CRACR2A: variants seen among roughly 807,000 people sequenced by gnomAD.
CRACR2A encodes EF-hand calcium-binding domain-containing protein 4B.
A neutral mutation model predicts 90.5 loss-of-function variants in CRACR2A; 79 were observed. The observed-to-expected ratio is 0.87, with a 90% CI of 0.73 to 1.05. The LOEUF (loss-of-function observed/expected upper bound fraction) is 1.05, where lower values mean the gene tolerates loss of function less well. CRACR2A is among the 50% of genes least tolerant of loss of function. CRACR2A has a pLI of 0.00. For synonymous variants in CRACR2A, 338 were observed against 356.7 expected (o/e 0.95, Z 0.59); for missense variants, 823 against 897.2 (o/e 0.92, Z 1.06).
chr12:3,628,404 A>C (rs943096690), intron 15 of CRACR2A, among the ~76,000 whole-genome samples: 10 of 152,170 alleles, frequency 6.6e-5, no homozygotes, highest in African/African-American at 2.4e-4. Flanking sequence ...GGTAGAGGAA[A>C]GGACAGAACA....
chr12:3,730,988 T>C (rs1347697606), intron 2 of CRACR2A: 1 of 152,168 alleles, frequency 6.6e-6, no homozygotes, highest in Non-Finnish European at 1.5e-5. Flanking sequence ...AGAAAACACA[T>C]CTACAGGCTA....
intron 7 of CRACR2A, among the ~76,000 whole-genome samples, chr12:3,660,622 G>C (rs1250925699): frequency 6.6e-6 from 1 of 151,978 alleles, no homozygotes; most frequent in Non-Finnish European, 1.5e-5. Context: ...GGAAAGATCT[G>C]GTAGTAGCAT....
chr12:3,715,691 T>C (rs986197102), intron 2 of CRACR2A, among the ~76,000 whole-genome samples: 3 of 152,180 alleles, frequency 2.0e-5, no homozygotes, highest in East Asian at 3.8e-4. Flanking sequence ...AAAAAGTTCA[T>C]AAAAATGGAA....
chr12:3,732,762 T>C (rs1380556237), intron 2 of CRACR2A, 180 bp downstream of exon 2: 2 of 152,304 alleles, frequency 1.3e-5, no homozygotes, highest in Middle Eastern at 6.8e-3. Context: ...TCCAGGTGGT[T>C]TGAGAGTCCA....
intron 17 of CRACR2A, 61 bp downstream of exon 17, chr12:3,627,375 C>T (rs1944284438): frequency 7.8e-7 from 1 of 1,287,988 alleles, no homozygotes; most frequent in Non-Finnish European, 1.1e-6. Context: ...GGGAGATGGA[C>T]AGAGAAGAAA....
At chr12:3,748,937 G>C (rs548508039) in intron 1 of CRACR2A, among the ~76,000 whole-genome samples, 1 of 152,228 alleles carries the variant, frequency 6.6e-6, no homozygotes, top group Non-Finnish European at 1.5e-5. Flanking sequence ...GTGAGGGGAA[G>C]GGGGTGTCTT....
intron 17 of CRACR2A, among the ~76,000 whole-genome samples, chr12:3,626,927 C>A (rs1944273384): frequency 6.6e-6 from 1 of 152,166 alleles, no homozygotes; most frequent in Non-Finnish European, 1.5e-5. Context: ...GGATCAACCT[C>A]CCCTTGTGTG....
At chr12:3,672,876 T>C (rs896223828) in intron 7 of CRACR2A, 2 of 868,304 alleles carry the variant, frequency 2.3e-6, no homozygotes, top group African/African-American at 1.8e-5. Context: ...CATGAGGCCG[T>C]GACGGGAGAG....
rs1057068390 is a variant in CRACR2A at position 3,711,578 on chromosome 12, C to A, written c.-37+1659G>T. Among the ~76,000 whole-genome samples the A allele has an allele frequency of 2.6e-5, 4 of 152,194 alleles. No homozygotes were observed. Among genetic ancestry groups the A allele is most frequent in the African/African-American group, 9.7e-5 (4 of 41,440 alleles). On this transcript the variant is annotated intron_variant, in intron 3 of 19. Coordinates refer to ENST00000440314, the MANE Select transcript of CRACR2A (RefSeq NM_001144958.2). The surrounding 1 kb of genome is among the most constrained non-coding windows in gnomAD (Gnocchi z 4.3). ...ATGGCTTTTATCATCCATATTCCCA[C>A]CAGTGTACTGTTCAGGATGACTTAC...
At chr12:3,716,922 G>A (rs1211686099) in intron 2 of CRACR2A, among the ~76,000 whole-genome samples, 1 of 147,808 alleles carries the variant, frequency 6.8e-6, no homozygotes, top group African/African-American at 2.5e-5. Flanking sequence ...TGAAATTCTT[G>A]TATTTTTTTT....
intron 4 of CRACR2A, among the ~76,000 whole-genome samples, chr12:3,687,930 C>T (rs1945591483): frequency 6.6e-6 from 1 of 152,186 alleles, no homozygotes; most frequent in Admixed American, 6.5e-5. Flanking sequence ...ATTTGCGTTT[C>T]TCTAGTGATC....
intron 4 of CRACR2A, among the ~76,000 whole-genome samples, chr12:3,686,152 A>C (rs776424703): frequency 3.9e-5 from 6 of 152,252 alleles, no homozygotes; most frequent in Non-Finnish European, 7.3e-5. Context: ...TGAGGATTAA[A>C]ACCCAAGTTA....
At chr12:3,637,829 A>C (rs7972563) in intron 14 of CRACR2A, among the ~76,000 whole-genome samples, 83,034 of 152,068 alleles carry the variant, frequency 0.55, 23,163 homozygotes, top group Admixed American at 0.66. Flanking sequence ...CCCCTCTGCG[A>C]AGAAGTAGAA....
chr12:3,681,247 T>C (rs554777020), intron 4 of CRACR2A, among the ~76,000 whole-genome samples: 1 of 152,348 alleles, frequency 6.6e-6, no homozygotes, highest in Non-Finnish European at 1.5e-5. Flanking sequence ...TCCAGCTCCC[T>C]GCTGACTGGT....
At position 3,647,899 on chromosome 12, in the gene CRACR2A, A is replaced by T. The variant is rs368526010; in HGVS notation, c.1118+643T>A. Reference sequence around the variant, plus strand: ...CATCAAAAATTCCATCTTTCCCCACACGGGTTTGTCTTTCTGAGGAGGGGA... The same window carrying T: ...CATCAAAAATTCCATCTTTCCCCACTCGGGTTTGTCTTTCTGAGGAGGGGA... On this transcript the variant is annotated intron_variant, in intron 11 of 19. Coordinates refer to ENST00000440314, the MANE Select transcript of CRACR2A (RefSeq NM_001144958.2). The T allele has an allele frequency of 1.0e-5, 10 of 985,300 alleles. No individual in the cohort carries two copies. In the African/African-American group the frequency reaches 1.6e-4, roughly 15 times the overall value. The allele number at this position is 985,300 out of a possible 1,614,324, so 61.0% of individuals were successfully genotyped here.
intron 8 of CRACR2A, among the ~76,000 whole-genome samples, chr12:3,658,561 T>C (rs1944960448): frequency 6.6e-6 from 1 of 152,256 alleles, no homozygotes; most frequent in Middle Eastern, 3.4e-3. Context: ...AGGGCGCTAA[T>C]TGGAGGACAC....
intron 3 of CRACR2A, among the ~76,000 whole-genome samples, chr12:3,707,577 A>G (rs904195707): frequency 2.6e-5 from 4 of 152,240 alleles, no homozygotes; most frequent in African/African-American, 4.8e-5. Context: ...AAACATAGCC[A>G]CAGCATGGTA....
intron 11 of CRACR2A, among the ~76,000 whole-genome samples, chr12:3,646,206 A>G (rs1056723221): frequency 2.0e-5 from 3 of 152,236 alleles, no homozygotes; most frequent in African/African-American, 7.2e-5. Flanking sequence ...CGACTGCAGA[A>G]TGCACTTGGG....
intron 11 of CRACR2A, 95 bp from the exon 12 acceptor site, chr12:3,644,735 G>A (rs1944654865): frequency 3.7e-6 from 4 of 1,093,206 alleles, no homozygotes; most frequent in Non-Finnish European, 1.4e-6. Context: ...TGCAGGGGAA[G>A]GTGTGGTATG....
Sources: gnomAD v4.1 joint callset for allele counts (sites outside exome capture counted in the v4.1 genomes callset) on GRCh38, gnomAD v4.1.1 for gene constraint, Gnocchi (gnomAD v3.1) non-coding constraint, MANE v1.5 for transcripts, NCBI Gene and HGNC (gene_info 2026-07-23, HGNC 2026-07-21) for gene names.